Variants in VSIG1 observed in about 807,000 individuals in gnomAD.
The protein encoded by VSIG1 is V-set and immunoglobulin domain-containing protein 1.
Under a neutral mutation model 20.1 loss-of-function variants are expected in VSIG1, and 11 were observed. The observed-to-expected ratio is 0.55, with a 90% CI of 0.34 to 0.91. The LOEUF is 0.91. Among genes scored for constraint, VSIG1 ranks in the 40% least tolerant of loss-of-function variants. The probability of loss-of-function intolerance (pLI) is 0.02; values close to 1 mark genes in which losing one functional copy is unlikely to be tolerated. For missense variants in VSIG1, 283 were observed against 298.8 expected, an observed-to-expected ratio of 0.95 and a Z score of 0.39; for synonymous variants, 126 against 116.7, an observed-to-expected ratio of 1.08 and a Z score of -0.52.
chrX:108,057,350 C>CA (rs779758319), intron 1 of VSIG1, among the ~76,000 whole-genome samples: 5 of 111,975 alleles, frequency 4.5e-5, no homozygotes, highest in African/African-American at 1.6e-4. Context: ...CGAATCTACA[C>CA]ATGATAAAAT....
upstream of VSIG1, among the ~76,000 whole-genome samples, chrX:108,042,397 C>A (rs752944456): frequency 1.5e-4 from 17 of 111,902 alleles, no homozygotes; most frequent in South Asian, 3.0e-3. Flanking sequence ...CTAGTAATCC[C>A]CTGTGGGTAG....
At chrX:108,074,171 T>A (rs1185776704) in intron 5 of VSIG1, among the ~76,000 whole-genome samples, 1 of 112,264 alleles carries the variant, frequency 8.9e-6, no homozygotes, top group Non-Finnish European at 1.9e-5. Flanking sequence ...GATTTTAATA[T>A]ATGCCATATC....
At chrX:108,064,595 T>A in intron 2 of VSIG1, 2 of 252,484 alleles carry the variant, frequency 7.9e-6, no homozygotes, top group Non-Finnish European at 1.1e-5. Flanking sequence ...AAGGTCCTTT[T>A]CACCTGGATC....
At chrX:108,057,140 C>G (rs901768052) in intron 1 of VSIG1, among the ~76,000 whole-genome samples, 1 of 112,050 alleles carries the variant, frequency 8.9e-6, no homozygotes, top group Non-Finnish European at 1.9e-5. Context: ...GTCATCAATT[C>G]CAAAAGGTTA....
In VSIG1 at chrX:108,058,049, G is replaced by A; in HGVS notation, c.61G>A (p.Val21Met). ...ILSCLAGQVS[V>M]VQVTIPDGFV... Reference sequence around the variant, plus strand: ...GATTATCTTTTCAGGTCAGGTTAGTGTGGTGCAAGTGACCATCCCAGACGG... The same window carrying A: ...GATTATCTTTTCAGGTCAGGTTAGTATGGTGCAAGTGACCATCCCAGACGG... Residue 21 changes from valine to methionine, a missense_variant, in exon 2 of 7, where the codon GTG becomes ATG. Physicochemically the swap from Val to Met is conservative, Grantham distance 21. Coordinates refer to ENST00000217957, the MANE Select transcript of VSIG1 (RefSeq NM_182607.5). 8.3e-7 allele frequency: 1 copy of A among 1,208,627 alleles called. No individual in the cohort carries two copies. The highest frequency in any genetic ancestry group is 1.1e-6 in the Non-Finnish European group (1 of 894,244).
intron 3 of VSIG1, among the ~76,000 whole-genome samples, chrX:108,069,864 G>T (rs2031204604): frequency 9.0e-6 from 1 of 111,716 alleles, no homozygotes; most frequent in African/African-American, 3.3e-5. Flanking sequence ...AGGGCAAAAA[G>T]CTGTATCAGG....
At chrX:108,024,164 A>AT in the VSIG1 span, among the ~76,000 whole-genome samples, 7 of 111,803 alleles carry the variant, frequency 6.3e-5, no homozygotes, top group Non-Finnish European at 1.3e-4. Flanking sequence ...AATTTTAGTC[A>AT]TTTTTTATAA....
intron 2 of VSIG1, among the ~76,000 whole-genome samples, chrX:108,064,981 A>T (rs746795747): frequency 1.8e-5 from 2 of 111,926 alleles, no homozygotes; most frequent in Non-Finnish European, 3.8e-5. Flanking sequence ...AAACAAGACC[A>T]TTCTGGGGCA....
chrX:108,054,259 C>G (rs1285369302), intron 1 of VSIG1, among the ~76,000 whole-genome samples: 1 of 111,157 alleles, frequency 9.0e-6, no homozygotes, highest in Non-Finnish European at 1.9e-5. Context: ...AACTATGTCT[C>G]AAAATTCATG....
rs760165906 is a variant in VSIG1, at chrX:108,077,020, G to T, written c.831-28G>T. 1.4e-5 allele frequency: 17 copies of T among 1,176,798 alleles called. No homozygotes were observed. The East Asian group carries it at 4.5e-4, about 31-fold the overall frequency. On this transcript the variant is annotated intron_variant, in intron 6 of 6. Transcript: ENST00000217957. ...TTCAAAGTTAGCATCTCCCTAACTTGTTCTTTTCTGGGCCTTCTTTCTTGC... is the reference window on the plus strand; with the variant it reads ...TTCAAAGTTAGCATCTCCCTAACTTTTTCTTTTCTGGGCCTTCTTTCTTGC...
chrX:108,028,740 A>G, the VSIG1 span, among the ~76,000 whole-genome samples: 2 of 111,634 alleles, frequency 1.8e-5, no homozygotes, highest in Non-Finnish European at 3.8e-5. Flanking sequence ...AGGGTGGAAG[A>G]CAGAAGAGAA....
intron 1 of VSIG1, among the ~76,000 whole-genome samples, chrX:108,047,967 T>TATATATATATACAC (rs1569287465): frequency 0.032 from 869 of 26,995 alleles, 110 homozygotes; most frequent in Non-Finnish European, 0.052. Context: ...CACACATATA[T>TATATATATATACAC]ATATATATAT....
chrX:108,067,059 A>G lies in VSIG1; in HGVS notation c.337A>G (p.Ile113Val). The change falls in exon 3 of 7, where the codon ATT becomes GTT. Residue 113 changes from isoleucine to valine, a missense_variant. Physicochemically the swap from Ile to Val is conservative, Grantham distance 29. Transcript: ENST00000217957. ...ISHMQPADSG[I>V]YICDVNNPPD... is the part of the protein sequence containing the mutation. ...GCATATGCAGCCAGCAGACAGTGGA[A>G]TTTACATCTGCGATGTTAACAACCC... The G allele has an allele frequency of 8.3e-7, 1 of 1,211,504 alleles. No individual in the cohort carries two copies. The highest frequency in any genetic ancestry group is 1.1e-6 in the Non-Finnish European group (1 of 895,365).
chrX:108,061,388 C>T (rs746363846), intron 2 of VSIG1: 33 of 1,039,966 alleles, frequency 3.2e-5, no homozygotes, highest in Non-Finnish European at 4.1e-5. Flanking sequence ...TACTGTATAG[C>T]ATTCAGCTCT....
At chrX:108,028,149 T>C in the VSIG1 span, among the ~76,000 whole-genome samples, 1 of 110,758 alleles carries the variant, frequency 9.0e-6, no homozygotes, top group Non-Finnish European at 1.9e-5. Context: ...ATCTACCACC[T>C]GCAATATCCT....
At chrX:108,062,827 G>C (rs749231039) in intron 2 of VSIG1, among the ~76,000 whole-genome samples, 1 of 112,126 alleles carries the variant, frequency 8.9e-6, no homozygotes, top group Admixed American at 9.4e-5. Flanking sequence ...AAGCTGGAAA[G>C]GAAAGAATGG....
intron 1 of VSIG1, among the ~76,000 whole-genome samples, chrX:108,052,290 A>C (rs1488623345): frequency 8.9e-6 from 1 of 111,835 alleles, no homozygotes; most frequent in Non-Finnish European, 1.9e-5. Context: ...TGCTATGAAA[A>C]AAACAAAACG....
At chrX:108,022,056 A>G in the VSIG1 span, among the ~76,000 whole-genome samples, 2 of 111,635 alleles carry the variant, frequency 1.8e-5, no homozygotes, top group East Asian at 5.6e-4. Context: ...TTCCGTATGA[A>G]TTTTAGAATC....
At chrX:108,020,306 A>G in the VSIG1 span, among the ~76,000 whole-genome samples, 1 of 111,213 alleles carries the variant, frequency 9.0e-6, no homozygotes, top group Non-Finnish European at 1.9e-5. Flanking sequence ...CCGCTAATAA[A>G]TTTTTCATTT....
Sources: allele counts gnomAD v4.1 joint callset (sites outside exome capture counted in the v4.1 genomes callset), GRCh38; gene constraint gnomAD v4.1.1; transcripts MANE v1.5; gene names NCBI Gene and HGNC (gene_info 2026-07-23, HGNC 2026-07-21).